The following FHOD3 variants were observed in gnomAD, a reference collection of about 807,000 sequenced individuals.
FHOD3 encodes the protein FH1/FH2 domain-containing protein 3.
A neutral mutation model predicts 173.0 loss-of-function variants in FHOD3; 90 were observed. The observed-to-expected ratio is 0.52, with a 90% CI of 0.44 to 0.62. FHOD3 has a LOEUF of 0.62. FHOD3 is among the 20% of genes least tolerant of loss of function. FHOD3 has a pLI of 0.00. For synonymous variants in FHOD3, 828 were observed against 823.0 expected (o/e 1.01, Z -0.10); for missense variants, 1,945 against 2,034.7 (o/e 0.96, Z 0.85).
At chr18:36,586,110 G>T (rs1478040709) in intron 6 of FHOD3, among the ~76,000 whole-genome samples, 1 of 152,174 alleles carries the variant, frequency 6.6e-6, no homozygotes, top group Admixed American at 6.5e-5. Flanking sequence ...TCCAGGGCTG[G>T]TTATTTACTT....
At chr18:36,501,911 A>G (rs761153326) in intron 3 of FHOD3, 21 bp from the exon 4 acceptor site, 4 of 1,527,690 alleles carry the variant, frequency 2.6e-6, no homozygotes, top group Non-Finnish European at 8.9e-7. Context: ...ATTAATTTAT[A>G]TGTTTTATTC....
chr18:36,658,405 T>A (rs7240931), intron 14 of FHOD3, among the ~76,000 whole-genome samples: 25 of 152,194 alleles, frequency 1.6e-4, no homozygotes, highest in African/African-American at 5.5e-4. Context: ...TAGCGTCTCA[T>A]CCCCCTACAC....
rs745918056 is a variant in FHOD3, at chr18:36,717,923, T to C, written c.2625T>C (p.Tyr875=). ...TNKRFMLDML[Y]AHNRKSPDDE... ...AACGGTTCATGCTTGACATGCTGTATGCCCATAACAGGAAGTCTCCGGATG... is the reference window on the plus strand; with the variant it reads ...AACGGTTCATGCTTGACATGCTGTACGCCCATAACAGGAAGTCTCCGGATG... The change falls in exon 19 of 29, where the codon TAT becomes TAC. Residue 875 remains tyrosine (Y), a synonymous_variant. Transcript: ENST00000590592. 1 of 1,613,962 alleles carries C rather than the reference T, an allele frequency of 6.2e-7. No homozygotes were observed. Among genetic ancestry groups the C allele is most frequent in the East Asian group, 2.2e-5 (1 of 44,878 alleles).
chr18:36,319,805 A>G (rs2044303927), intron 1 of FHOD3, among the ~76,000 whole-genome samples: 1 of 152,252 alleles, frequency 6.6e-6, no homozygotes, highest in South Asian at 2.1e-4. Flanking sequence ...CCACAGTGCA[A>G]TCAAATTAGA....
intron 4 of FHOD3, among the ~76,000 whole-genome samples, chr18:36,504,312 G>A (rs1333469926): frequency 6.6e-6 from 1 of 151,986 alleles, no homozygotes; most frequent in Non-Finnish European, 1.5e-5. Flanking sequence ...TTCCTGCTAG[G>A]GATGCCCTCT....
chr18:36,436,914 T>A (rs1158703307), intron 3 of FHOD3, among the ~76,000 whole-genome samples: 2 of 152,214 alleles, frequency 1.3e-5, no homozygotes, highest in African/African-American at 4.8e-5. Context: ...TCTGTGAGAC[T>A]CCTTTCTGTC....
At chr18:36,684,673 CAACA>C (rs1258496461) in intron 15 of FHOD3, among the ~76,000 whole-genome samples, 1 of 152,114 alleles carries the variant, frequency 6.6e-6, no homozygotes, top group Non-Finnish European at 1.5e-5. Context: ...AAACTAAACA[CAACA>C]AACAAAAATT....
At chr18:36,663,745 C>T (rs908950038) in intron 14 of FHOD3, among the ~76,000 whole-genome samples, 1 of 152,244 alleles carries the variant, frequency 6.6e-6, no homozygotes, top group Admixed American at 6.5e-5. Context: ...GCATTTCCTG[C>T]CTGTTGGCAG....
At chr18:36,621,776 G>GA (rs2033729697) in intron 9 of FHOD3, among the ~76,000 whole-genome samples, 1 of 151,996 alleles carries the variant, frequency 6.6e-6, no homozygotes, top group South Asian at 2.1e-4. Flanking sequence ...CAAAGTTAAA[G>GA]AAAAAAACTG....
intron 3 of FHOD3, among the ~76,000 whole-genome samples, chr18:36,434,156 A>G (rs998541513): frequency 3.3e-5 from 5 of 152,208 alleles, no homozygotes; most frequent in African/African-American, 9.6e-5. Flanking sequence ...ATGTTTGCCT[A>G]TCTGAAGATC....
intron 3 of FHOD3, among the ~76,000 whole-genome samples, chr18:36,452,832 G>GTGTATGTATATATA (rs2051941486): frequency 6.6e-6 from 1 of 151,962 alleles, no homozygotes; most frequent in East Asian, 1.9e-4. Context: ...ATATATGTGT[G>GTGTATGTATATATA]TGTATGTATA....
intron 14 of FHOD3, among the ~76,000 whole-genome samples, chr18:36,661,400 T>C (rs1283274532): frequency 1.3e-5 from 2 of 152,184 alleles, no homozygotes; most frequent in Non-Finnish European, 2.9e-5. Context: ...GTTTTATATA[T>C]ACATATATTA....
rs924762089 is a variant in FHOD3 at position 36,640,783 on chromosome 18, C to T, written c.1197-8533C>T. Among the ~76,000 whole-genome samples, 91 of 152,040 alleles carry T rather than the reference C, an allele frequency of 6.0e-4. 6 individuals are homozygous for T. The highest frequency in any genetic ancestry group is 2.4e-5 in the African/African-American group (1 of 41,390). Reference sequence around the variant, plus strand: ...GAGCTGTACGCAGCCTTGTCCAATACGAGGCATTATTTTTCTCTGTGCTGT... The same window carrying T: ...GAGCTGTACGCAGCCTTGTCCAATATGAGGCATTATTTTTCTCTGTGCTGT... On this transcript the variant is annotated intron_variant, in intron 10 of 28. Transcript: ENST00000590592.
At chr18:36,476,431 C>T (rs557726988) in intron 3 of FHOD3, among the ~76,000 whole-genome samples, 134 of 152,300 alleles carry the variant, frequency 8.8e-4, no homozygotes, top group Non-Finnish European at 1.8e-3. Context: ...CAGGCGAGCT[C>T]CTCATGCCCA....
intron 5 of FHOD3, among the ~76,000 whole-genome samples, chr18:36,528,686 G>A (rs9958816): frequency 0.014 from 2,128 of 152,306 alleles, 43 homozygotes; most frequent in African/African-American, 0.048. Context: ...CAACGCCAGC[G>A]CCACACGCAC....
intron 4 of FHOD3, 99 bp from the exon 5 acceptor site, chr18:36,512,339 T>C (rs1005991981): frequency 3.5e-6 from 3 of 852,698 alleles, no homozygotes; most frequent in Non-Finnish European, 5.8e-6. Flanking sequence ...GTAGGGTCCA[T>C]TCTGGCTTTA....
chr18:36,556,426 C>G (rs2057887557), intron 5 of FHOD3, among the ~76,000 whole-genome samples: 1 of 152,262 alleles, frequency 6.6e-6, no homozygotes, highest in Non-Finnish European at 1.5e-5. Flanking sequence ...GCAGACCCAA[C>G]TATGGAACTT....
intron 1 of FHOD3, among the ~76,000 whole-genome samples, chr18:36,332,752 G>A (rs1435353019): frequency 1.3e-5 from 2 of 152,210 alleles, no homozygotes; most frequent in African/African-American, 4.8e-5. Context: ...GGGTGGGCAT[G>A]CCTATAGCGG....
chr18:36,710,639 A>G (rs1010312977), intron 18 of FHOD3: 1 of 152,174 alleles, frequency 6.6e-6, no homozygotes, highest in Non-Finnish European at 1.5e-5. Flanking sequence ...AAGATAAAAG[A>G]CTTTATTAGT....
Sources: allele counts gnomAD v4.1 joint callset (sites outside exome capture counted in the v4.1 genomes callset), GRCh38; gene constraint gnomAD v4.1.1; transcripts MANE v1.5; gene names NCBI Gene and HGNC (gene_info 2026-07-23, HGNC 2026-07-21).